The following CFAP251 variants were observed in gnomAD, a reference collection of about 807,000 sequenced individuals.
The protein encoded by CFAP251 is cilia- and flagella-associated protein 251.
A neutral mutation model predicts 126.7 loss-of-function variants in CFAP251; 93 were observed. The ratio of observed to expected loss-of-function variants is 0.73; its 90% CI spans 0.62 to 0.87. The LOEUF is 0.87. Ranked by LOEUF, CFAP251 falls within the 40% of genes least tolerant of loss-of-function variation. The pLI, the probability that CFAP251 is intolerant of heterozygous loss-of-function variation, is 0.00. For synonymous variants in CFAP251, 503 were observed against 506.9 expected (o/e 0.99, Z 0.10); for missense variants, 1,287 against 1,389.2 (o/e 0.93, Z 1.17).
chr12:121,927,461 C>A (rs1224056697), intron 3 of CFAP251, among the ~76,000 whole-genome samples: 1 of 152,078 alleles, frequency 6.6e-6, no homozygotes, highest in Non-Finnish European at 1.5e-5. Flanking sequence ...CCATACCCAG[C>A]TAACTTTTGT....
At chr12:121,963,943 T>C (rs1565915422) in intron 15 of CFAP251, among the ~76,000 whole-genome samples, 1 of 151,754 alleles carries the variant, frequency 6.6e-6, no homozygotes, top group Non-Finnish European at 1.5e-5. Flanking sequence ...TGGGTATGGC[T>C]GGAAAGAAGG....
intron 19 of CFAP251, among the ~76,000 whole-genome samples, chr12:121,986,743 A>G (rs1303969910): frequency 6.6e-6 from 1 of 151,326 alleles, no homozygotes; most frequent in African/African-American, 2.4e-5. Flanking sequence ...CAGTATGGGC[A>G]ACACAGTGAG....
chr12:121,920,427 C>T (rs1239158605), intron 1 of CFAP251, among the ~76,000 whole-genome samples: 6 of 148,292 alleles, frequency 4.0e-5, no homozygotes, highest in East Asian at 2.1e-4. Context: ...GACGGAGTCT[C>T]GCTGTGTTGC....
chr12:121,999,657 C>T, intron 19 of CFAP251, 59 bp from the exon 20 acceptor site: 1 of 1,379,636 alleles, frequency 7.2e-7, no homozygotes, highest in Non-Finnish European at 9.9e-7. Context: ...TTTTAGAAAT[C>T]TATCCTGGTG....
At chr12:121,924,315 A>G (rs971131827) in intron 3 of CFAP251, among the ~76,000 whole-genome samples, 1 of 150,738 alleles carries the variant, frequency 6.6e-6, no homozygotes, top group Admixed American at 6.6e-5. Flanking sequence ...TCGCCACGCC[A>G]TGTTGGCCAG....
At chr12:121,919,735 GA>G (rs1175458578) in intron 1 of CFAP251, among the ~76,000 whole-genome samples, 1 of 152,146 alleles carries the variant, frequency 6.6e-6, no homozygotes, top group Admixed American at 6.6e-5. Flanking sequence ...CCTGTTTCTA[GA>G]ATTGTTGCTA....
chr12:121,918,840 T>G lies in CFAP251; in HGVS notation c.-21+145T>G, dbSNP rs1007102488. On this transcript the variant is annotated intron_variant, in intron 1 of 21. Coordinates refer to ENST00000288912, the MANE Select transcript of CFAP251 (RefSeq NM_144668.6). The surrounding 1 kb of genome is among the most constrained non-coding windows in gnomAD (Gnocchi z 4.3). ...GGGGCGGCCCCAGGGAGACCTGAGT[T>G]GGAGGCAGAGGCCGCACCTGGGCTT... The G allele has an allele frequency of 6.6e-6, 1 of 152,224 alleles. No homozygotes were observed. The highest frequency in any genetic ancestry group is 2.4e-5 in the African/African-American group (1 of 41,404). The allele number at this position is 152,224 out of a possible 1,614,324, so 9.4% of individuals were successfully genotyped here.
intron 2 of CFAP251, 128 bp from the exon 3 acceptor site, chr12:121,923,494 C>T (rs1880275464): frequency 3.1e-6 from 4 of 1,278,180 alleles, no homozygotes; most frequent in African/African-American, 1.5e-5. Flanking sequence ...GTTCCAGCCT[C>T]TTTTAAAAAA....
Position 121,949,027 on chromosome 12 carries a change from G to C in CFAP251, c.1235G>C (p.Ser412Thr). 6.3e-7 allele frequency: 1 copy of C among 1,588,624 alleles called. No homozygotes were observed. Among genetic ancestry groups the C allele is most frequent in the Non-Finnish European group, 8.6e-7 (1 of 1,167,636 alleles). ...CCAACAAATAATAAAGAATTGGTGA[G>C]CAATAGTAAAACACGGGCAATATAT... ...FNPTNNKELVSNSKTRAIYYA... is the reference protein window; with the variant it reads ...FNPTNNKELVTNSKTRAIYYA... Residue 412 changes from serine to threonine, a missense_variant, in exon 8 of 22, where the codon AGC becomes ACC. Physicochemically the swap from Ser to Thr is moderately conservative, Grantham distance 58. Coordinates refer to ENST00000288912, the MANE Select transcript of CFAP251 (RefSeq NM_144668.6).
chr12:121,990,421 G>A (rs1321865951), intron 19 of CFAP251, among the ~76,000 whole-genome samples: 1 of 152,206 alleles, frequency 6.6e-6, no homozygotes, highest in Non-Finnish European at 1.5e-5. Flanking sequence ...GGGGAGAGAA[G>A]CCTCGGGTTC....
At chr12:121,997,878 A>T (rs2135818265) in intron 19 of CFAP251, 2 of 151,580 alleles carry the variant, frequency 1.3e-5, no homozygotes, top group East Asian at 3.9e-4. Context: ...CAGCCCCCCG[A>T]GTAGCTGGGA....
At chr12:121,962,869 T>C (rs956912170) in intron 15 of CFAP251, among the ~76,000 whole-genome samples, 2 of 151,662 alleles carry the variant, frequency 1.3e-5, no homozygotes, top group African/African-American at 2.4e-5. Context: ...CAAGGGCCAA[T>C]GAGTGAAGGT....
At chr12:121,992,187 G>T (rs1882891586) in intron 19 of CFAP251, 1 of 985,208 alleles carries the variant, frequency 1.0e-6, no homozygotes, top group Admixed American at 6.2e-5. Flanking sequence ...TCACACGGGG[G>T]CGTTCAGAAC....
At chr12:121,921,733 G>A (rs1416671148) in intron 2 of CFAP251, 50 bp downstream of exon 2, 3 of 1,552,980 alleles carry the variant, frequency 1.9e-6, no homozygotes, top group Non-Finnish European at 2.6e-6. Context: ...ATCATTAGTT[G>A]AATGCTTAGT....
intron 19 of CFAP251, 67 bp downstream of exon 19, chr12:121,975,752 A>G: frequency 6.7e-7 from 1 of 1,499,820 alleles, no homozygotes; most frequent in Non-Finnish European, 8.9e-7. Flanking sequence ...TCTGGGAACA[A>G]TCATTATAGG....
chr12:121,960,562 CCTT>C lies in CFAP251; in HGVS notation c.2134-20_2134-18del, dbSNP rs1163406299. ...TTACTAAACGTAAAATGGGATAACTCCTTCTCTTTTGCTCATCTTCAGGATAGA... is the reference window on the plus strand; with the variant it reads ...TTACTAAACGTAAAATGGGATAACTCCTCTTTTGCTCATCTTCAGGATAGA... On this transcript the variant is annotated intron_variant, in intron 13 of 21. Coordinates refer to ENST00000288912, the MANE Select transcript of CFAP251 (RefSeq NM_144668.6). 5.0e-6 allele frequency: 8 copies of C among 1,613,032 alleles called. No individual in the cohort carries two copies. In the African/African-American group the frequency reaches 9.3e-5, roughly 19 times the overall value.
intron 9 of CFAP251, among the ~76,000 whole-genome samples, chr12:121,951,779 C>A (rs530968460): frequency 3.3e-5 from 5 of 151,998 alleles, no homozygotes; most frequent in Non-Finnish European, 7.4e-5. Context: ...CGTGCAGTGG[C>A]GTGATCTTGG....
intron 17 of CFAP251, among the ~76,000 whole-genome samples, chr12:121,972,489 A>ATTTT (rs1410124157): frequency 7.0e-6 from 1 of 143,752 alleles, no homozygotes; most frequent in Non-Finnish European, 1.5e-5. Context: ...TGGTAGAGTA[A>ATTTT]TTTTTTTTTT....
chr12:121,972,154 G>T, intron 17 of CFAP251: 1 of 156,984 alleles, frequency 6.4e-6, no homozygotes, highest in Admixed American at 6.3e-5. Context: ...GGGCACTGCT[G>T]AAAAGATATC....
Sources: gnomAD v4.1 joint callset for allele counts (sites outside exome capture counted in the v4.1 genomes callset) on GRCh38, gnomAD v4.1.1 for gene constraint, Gnocchi (gnomAD v3.1) non-coding constraint, MANE v1.5 for transcripts, NCBI Gene and HGNC (gene_info 2026-07-23, HGNC 2026-07-21) for gene names.